PHEX: variants seen among roughly 807,000 people sequenced by gnomAD.
PHEX encodes phosphate regulating endopeptidase X-linked, also known as phosphate-regulating neutral endopeptidase PHEX.
Under a neutral mutation model 68.0 loss-of-function variants are expected in PHEX, and 16 were observed. The observed-to-expected ratio is 0.24, with a 90% CI of 0.16 to 0.36. PHEX has a LOEUF of 0.36. PHEX is among the 10% of genes least tolerant of loss of function. PHEX has a pLI of 1.00. For missense variants in PHEX, 480 were observed against 575.5 expected (o/e 0.83, Z 1.70); for synonymous variants, 208 against 205.1 (o/e 1.01, Z -0.12).
rs148261019 is a variant in PHEX, at chrX:22,105,498, C to G, written c.1080-5969C>G. 4.6e-3 allele frequency among the ~76,000 whole-genome samples: 520 copies of G among 112,046 alleles called. 5 individuals carry two copies. Among genetic ancestry groups the G allele is most frequent in the African/African-American group, 0.016 (495 of 30,878 alleles). On this transcript the variant is annotated intron_variant, in intron 9 of 21. Transcript: ENST00000379374. ...GACGCTGAAGCTGCTGGCTCAGGGA[C>G]ACACTTTCAGAATCACTGCCTTACA...
chrX:22,234,138 T>G (rs1176633153), intron 20 of PHEX, among the ~76,000 whole-genome samples: 3 of 112,967 alleles, frequency 2.7e-5, no homozygotes, highest in Non-Finnish European at 5.6e-5. Context: ...ACAGCAAAAA[T>G]TGCTGCCTGT....
At chrX:22,181,914 G>C (rs1933894667) in intron 14 of PHEX, among the ~76,000 whole-genome samples, 1 of 111,807 alleles carries the variant, frequency 8.9e-6, no homozygotes, top group South Asian at 3.7e-4. Context: ...ACTGATATTT[G>C]TATGTTGATT....
intron 11 of PHEX, among the ~76,000 whole-genome samples, chrX:22,120,648 T>C (rs915811890): frequency 9.0e-6 from 1 of 111,580 alleles, no homozygotes; most frequent in Non-Finnish European, 1.9e-5. Flanking sequence ...TACTATTGAT[T>C]TAATCTAAGA....
chrX:22,178,925 G>A (rs1933795619), intron 14 of PHEX, among the ~76,000 whole-genome samples: 2 of 111,643 alleles, frequency 1.8e-5, no homozygotes, highest in Admixed American at 9.5e-5. Context: ...GGAACTTTTA[G>A]GCCCAGAGCC....
intron 3 of PHEX, among the ~76,000 whole-genome samples, chrX:22,058,814 C>CT (rs1448309822): frequency 8.9e-6 from 1 of 112,028 alleles, no homozygotes; most frequent in Non-Finnish European, 1.9e-5. Context: ...AATTTCCCTT[C>CT]TTTTTTCGGA....
chrX:22,042,555 C>T (rs1039733477), intron 2 of PHEX, among the ~76,000 whole-genome samples: 2 of 112,328 alleles, frequency 1.8e-5, no homozygotes, highest in South Asian at 3.7e-4. Context: ...GACGCTGAGG[C>T]GGACAGATCA....
rs1372226198 is a variant in PHEX, at chrX:22,129,261, A to T, written c.1303-4262A>T. On this transcript the variant is annotated intron_variant, in intron 11 of 21. Coordinates refer to ENST00000379374, the MANE Select transcript of PHEX (RefSeq NM_000444.6). Reference sequence around the variant, plus strand: ...TAATCAGAATGGTGTGCAATTTAAAATTTGTGAATTGTTTATTTCTGGAAT... The same window carrying T: ...TAATCAGAATGGTGTGCAATTTAAATTTTGTGAATTGTTTATTTCTGGAAT... Among the ~76,000 whole-genome samples the T allele has an allele frequency of 4.5e-5, 5 of 111,348 alleles. No homozygotes were observed. The East Asian group carries it at 1.4e-3, about 31-fold the overall frequency.
At chrX:22,091,616 A>G (rs553909073) in intron 6 of PHEX, among the ~76,000 whole-genome samples, 10 of 111,790 alleles carry the variant, frequency 8.9e-5, no homozygotes, top group Middle Eastern at 4.6e-3. Context: ...GACAGGGTCT[A>G]AATTCTTTAG....
chrX:22,094,888 C>G (rs926977599), intron 7 of PHEX, among the ~76,000 whole-genome samples: 5 of 111,988 alleles, frequency 4.5e-5, no homozygotes, highest in African/African-American at 1.6e-4. Context: ...AAAAATCTCT[C>G]TATATGTTCC....
intron 19 of PHEX, 66 bp downstream of exon 19, chrX:22,226,574 C>T: frequency 1.3e-6 from 1 of 792,354 alleles, no homozygotes; most frequent in Non-Finnish European, 1.9e-6. Flanking sequence ...GGGGGTACCT[C>T]AATTCATACC....
chrX:22,237,880 G>C (rs1206959499), intron 20 of PHEX, among the ~76,000 whole-genome samples: 6 of 112,578 alleles, frequency 5.3e-5, no homozygotes, highest in Non-Finnish European at 9.4e-5. Flanking sequence ...GGCAAGTCAG[G>C]ATTAAAGTAA....
chrX:22,218,315 C>T (rs1248422668), intron 16 of PHEX, among the ~76,000 whole-genome samples: 5 of 111,246 alleles, frequency 4.5e-5, no homozygotes, highest in Non-Finnish European at 9.4e-5. Context: ...GTCCCAAGGC[C>T]AGTCCAAATT....
At chrX:22,201,461 A>G (rs1934553229) in intron 15 of PHEX, among the ~76,000 whole-genome samples, 1 of 111,561 alleles carries the variant, frequency 9.0e-6, no homozygotes, top group Non-Finnish European at 1.9e-5. Context: ...CTGCGATTAC[A>G]GGTGTGAGCC....
At chrX:22,246,499 C>A (rs1347478339) in intron 21 of PHEX, among the ~76,000 whole-genome samples, 2 of 111,869 alleles carry the variant, frequency 1.8e-5, no homozygotes, top group Non-Finnish European at 1.9e-5. Flanking sequence ...ATTTCTCCCC[C>A]ACTGGGCTAA....
At chrX:22,104,128 C>G (rs1487243850) in intron 9 of PHEX, among the ~76,000 whole-genome samples, 1 of 111,741 alleles carries the variant, frequency 8.9e-6, no homozygotes, top group Non-Finnish European at 1.9e-5. Flanking sequence ...ATGTCTTTTG[C>G]CCACTTTTTG....
At chrX:22,176,401 AAATATATATAT>A (rs941877469) in intron 13 of PHEX, among the ~76,000 whole-genome samples, 8 of 59,986 alleles carry the variant, frequency 1.3e-4, no homozygotes, top group African/African-American at 7.4e-4. Context: ...AAAAAAAAAA[AAATATATATAT>A]ATATATATAT....
Position 22,248,244 on chromosome X carries a change from C to A in PHEX, c.*291C>A. On this transcript the variant is annotated 3_prime_UTR_variant, in exon 22 of 22. Coordinates refer to ENST00000379374, the MANE Select transcript of PHEX (RefSeq NM_000444.6). ...TATCTGCTAAATTGTTGCTATTGTCCATTTTAGGGTGTTGGCCACAGTTAT... is the reference window on the plus strand; with the variant it reads ...TATCTGCTAAATTGTTGCTATTGTCAATTTTAGGGTGTTGGCCACAGTTAT... The A allele has an allele frequency of 3.0e-6, 1 of 328,984 alleles. No individual in the cohort carries two copies. Among genetic ancestry groups the A allele is most frequent in the Non-Finnish European group, 5.4e-6 (1 of 184,736 alleles). 27.1% of individuals were successfully genotyped at this position (328,984 alleles called of 1,213,427 possible).
intron 13 of PHEX, among the ~76,000 whole-genome samples, chrX:22,174,768 A>G (rs1166326515): frequency 1.8e-5 from 2 of 112,139 alleles, no homozygotes; most frequent in African/African-American, 3.2e-5. Flanking sequence ...ACCAACCTTT[A>G]CAGTAACATA....
At position 22,033,087 on chromosome X, in the gene PHEX, G is replaced by A. The variant is rs760556268; in HGVS notation, c.82G>A (p.Gly28Ser). 125 of 1,206,046 alleles carry A rather than the reference G, an allele frequency of 1.0e-4. No homozygotes were observed. Among genetic ancestry groups the A allele is most frequent in the Non-Finnish European group, 1.2e-4 (109 of 892,358 alleles). Residue 28 changes from glycine to serine, a missense_variant, in exon 1 of 22, where the codon GGT (glycine) becomes AGT (serine). Coordinates refer to ENST00000379374, the MANE Select transcript of PHEX (RefSeq NM_000444.6). ...GTRIALVVFV[G>S]GTLVLGTILF... ...TCGAATTGCCCTGGTCGTGTTTGTC[G>A]GTGGCACCCTAGTTCTGGGCACGAT...
Sources: gnomAD v4.1 joint callset for allele counts (sites outside exome capture counted in the v4.1 genomes callset) on GRCh38, gnomAD v4.1.1 for gene constraint, MANE v1.5 for transcripts, NCBI Gene and HGNC (gene_info 2026-07-23, HGNC 2026-07-21) for gene names.